Variants in DCLRE1C observed in about 807,000 individuals in gnomAD.
The protein encoded by DCLRE1C is DNA cross-link repair 1C.
DCLRE1C carries 47 observed loss-of-function variants against 61.4 expected under a neutral mutation model. That is an observed-to-expected ratio of 0.77 (90% CI 0.61 to 0.98). The LOEUF (loss-of-function observed/expected upper bound fraction) is 0.98. DCLRE1C is among the 50% of genes least tolerant of loss of function. The pLI is 0.00. For missense variants in DCLRE1C, 858 were observed against 816.0 expected, an observed-to-expected ratio of 1.05 and a Z score of -0.63; for synonymous variants, 337 against 287.6, an observed-to-expected ratio of 1.17 and a Z score of -1.74.
chr10:14,937,756 T>C (rs1439831311), intron 4 of DCLRE1C, among the ~76,000 whole-genome samples: 1 of 151,918 alleles, frequency 6.6e-6, no homozygotes, highest in Non-Finnish European at 1.5e-5. Context: ...CTGCGCATGG[T>C]GGTGGGCAGC....
At chr10:14,926,204 C>T (rs1384719874) in intron 11 of DCLRE1C, among the ~76,000 whole-genome samples, 1 of 152,148 alleles carries the variant, frequency 6.6e-6, no homozygotes. Flanking sequence ...TGAAAGAAGG[C>T]AGAGCATTGC....
In DCLRE1C at chr10:14,936,599, A is replaced by T. The variant is rs1400947745; in HGVS notation, c.307-6T>A. 7 of 1,606,136 alleles carry T rather than the reference A, an allele frequency of 4.4e-6. No individual in the cohort carries two copies. In the Admixed American group the frequency reaches 6.7e-5, roughly 15 times the overall value. The stretch of plus-strand genomic sequence containing the variant: ...GTCACAACAATCTCTTCCTTCTAAA[A>T]AGAAAATAAAGAAAAAATAGTAATG... On this transcript the variant is annotated splice_polypyrimidine_tract_variant and splice_region_variant and intron_variant, in intron 4 of 13. Transcript: ENST00000378278.
At chr10:14,934,830 ACT>A in intron 6 of DCLRE1C, 55 bp from the exon 7 acceptor site, 1 of 1,400,408 alleles carries the variant, frequency 7.1e-7, no homozygotes, top group Non-Finnish European at 1.0e-6. Flanking sequence ...ATTATGTGTA[ACT>A]TTTTTTGTTT....
intron 13 of DCLRE1C, among the ~76,000 whole-genome samples, chr10:14,913,672 A>G (rs756228662): frequency 8.5e-5 from 13 of 152,230 alleles, no homozygotes; most frequent in Admixed American, 3.3e-4. Context: ...AAATTAAAAT[A>G]CAAAAAACAC....
chr10:14,927,559 T>A (rs1589015865), intron 10 of DCLRE1C, among the ~76,000 whole-genome samples: 1 of 73,716 alleles, frequency 1.4e-5, no homozygotes, highest in Non-Finnish European at 2.5e-5. Context: ...AGCACTCAGA[T>A]GGGAGGGAGG....
At chr10:14,919,478 G>A (rs41299718) in intron 13 of DCLRE1C, among the ~76,000 whole-genome samples, 1 of 152,300 alleles carries the variant, frequency 6.6e-6, no homozygotes, top group East Asian at 1.9e-4. Context: ...ATCTTAGGGT[G>A]TATTTCCAGA....
In DCLRE1C at chr10:14,905,994, A is replaced by T. The variant is rs1171488940; in HGVS notation, c.*2414T>A. 3.3e-5 allele frequency among the ~76,000 whole-genome samples: 5 copies of T among 152,158 alleles called. No homozygotes were observed. The highest frequency in any genetic ancestry group is 6.5e-5 in the Admixed American group (1 of 15,274). ...GAGACTCCATCTTGAAAAGTAAAAA[A>T]CAAAAACTTCATGTTTCCTCTTGTG... On this transcript the variant is annotated 3_prime_UTR_variant, in exon 14 of 14. Transcript: ENST00000378278.
In DCLRE1C at chr10:14,908,311, A is replaced by G. The variant is rs544574813; in HGVS notation, c.*97T>C. ...CCACCACACCCAACCAGGTTATTTG[A>G]ACATTTTTAAGTACTGTATTTTCTC... On this transcript the variant is annotated 3_prime_UTR_variant, in exon 14 of 14. Coordinates refer to ENST00000378278, the MANE Select transcript of DCLRE1C (RefSeq NM_001033855.3). 4 of 1,050,796 alleles carry G rather than the reference A, an allele frequency of 3.8e-6. No individual in the cohort carries two copies. The African/African-American group carries it at 4.7e-5, about 12-fold the overall frequency. The allele number at this position is 1,050,796 out of a possible 1,614,324, so 65.1% of individuals were successfully genotyped here.
intron 1 of DCLRE1C, among the ~76,000 whole-genome samples, chr10:14,951,121 G>A (rs1842392980): frequency 6.6e-6 from 1 of 152,042 alleles, no homozygotes; most frequent in Non-Finnish European, 1.5e-5. Context: ...GCTCACACCT[G>A]TCATCCCAGC....
At chr10:14,898,915 C>T in exon 14 of DCLRE1C, 1 of 314,998 alleles carries the variant, frequency 3.2e-6, no homozygotes, top group Non-Finnish European at 5.8e-6. Context: ...CATATACTTG[C>T]AGATTTAGTC....
chr10:14,949,832 G>A (rs1349527452), intron 1 of DCLRE1C, among the ~76,000 whole-genome samples: 3 of 152,024 alleles, frequency 2.0e-5, no homozygotes, highest in South Asian at 2.1e-4. Context: ...ATCACCTGAG[G>A]TCAGAAGTTC....
chr10:14,940,123 C>T (rs1024805729), intron 3 of DCLRE1C, among the ~76,000 whole-genome samples: 5 of 152,080 alleles, frequency 3.3e-5, no homozygotes, highest in African/African-American at 1.2e-4. Context: ...ATTCTGTTTC[C>T]ATGAATTCAT....
upstream of DCLRE1C, chr10:14,954,156 G>A: frequency 7.1e-7 from 1 of 1,401,098 alleles, no homozygotes; most frequent in Non-Finnish European, 9.8e-7. Flanking sequence ...GGAGTCCGGA[G>A]ACCGGGGGCA....
At chr10:14,932,099 C>T (rs923700859) in intron 9 of DCLRE1C, among the ~76,000 whole-genome samples, 14 of 152,026 alleles carry the variant, frequency 9.2e-5, no homozygotes, top group African/African-American at 2.7e-4. Context: ...TGGTGCATGT[C>T]GGTGGTCCCA....
chr10:14,905,949 T>C lies in DCLRE1C; in HGVS notation c.*2459A>G, dbSNP rs1834357005. ...GTGAGCTGAGATAGGGCCACTGCAT[T>C]CCAGCCTGAGTGACAGAGCGAGACT... is the stretch of plus-strand genomic sequence containing the variant. On this transcript the variant is annotated 3_prime_UTR_variant, in exon 14 of 14. Coordinates refer to ENST00000378278, the MANE Select transcript of DCLRE1C (RefSeq NM_001033855.3). Among the ~76,000 whole-genome samples the C allele has an allele frequency of 1.3e-5, 2 of 152,186 alleles. No individual in the cohort carries two copies.
Position 14,926,856 on chromosome 10 carries a change from G to A in DCLRE1C, c.959C>T (p.Ser320Phe). The A allele has an allele frequency of 6.2e-7, 1 of 1,613,100 alleles. No individual in the cohort carries two copies. Among genetic ancestry groups the A allele is most frequent in the East Asian group, 2.2e-5 (1 of 44,868 alleles). Residue 320 changes from serine to phenylalanine, a missense_variant, in exon 11 of 14, where the codon TCC becomes TTC. Around this residue, in one of 2 missense-constraint regions of DCLRE1C, gnomAD observed 843 missense variants for 783.5 expected, o/e 1.08. Transcript: ENST00000378278. ...SSYRACFSFH[S>F]SYSEIKDFLS... ...GGATCCTCTTACCTCACTGTAGGAG[G>A]AGTGAAAAGAAAAACAAGCTCTGTA... is the stretch of plus-strand genomic sequence containing the variant.
intron 9 of DCLRE1C, among the ~76,000 whole-genome samples, chr10:14,932,323 T>C (rs1007798254): frequency 6.6e-6 from 1 of 152,176 alleles, no homozygotes; most frequent in Non-Finnish European, 1.5e-5. Context: ...CAAACGTGTA[T>C]GAATAGATTT....
rs1002980233 is a variant in DCLRE1C, at chr10:14,906,286, A to C, written c.*2122T>G. Among the ~76,000 whole-genome samples, 1 of 152,252 alleles carries C rather than the reference A, an allele frequency of 6.6e-6. No individual in the cohort carries two copies. The highest frequency in any genetic ancestry group is 1.5e-5 in the Non-Finnish European group (1 of 68,040). On this transcript the variant is annotated 3_prime_UTR_variant, in exon 14 of 14. Transcript: ENST00000378278. ...AGTTCATATAGTCTGTAAAAAACTT[A>C]AGAGCATCATCAGAGTAAGCACCAA...
chr10:14,932,869 T>C lies in DCLRE1C; in HGVS notation c.765A>G (p.Ala255=). The change falls in exon 9 of 14, where the codon GCA becomes GCG. Residue 255 remains alanine, a synonymous_variant. Coordinates refer to ENST00000378278, the MANE Select transcript of DCLRE1C (RefSeq NM_001033855.3). The part of the protein sequence containing the change: ...LTTDRNTQIH[A]CRHPKAEEYF... ...GCACACGTACCTTGGGATGCCGGCA[T>C]GCATGGATCTGAGTGTTGCGGTCTG... The C allele has an allele frequency of 1.2e-6, 2 of 1,614,222 alleles. No homozygotes were observed. Among genetic ancestry groups the C allele is most frequent in the African/African-American group, 1.3e-5 (1 of 75,080 alleles).
Sources: allele counts gnomAD v4.1 joint callset (sites outside exome capture counted in the v4.1 genomes callset), GRCh38; gene constraint gnomAD v4.1.1; regional missense constraint gnomAD v4.1.1; transcripts MANE v1.5; gene names NCBI Gene and HGNC (gene_info 2026-07-23, HGNC 2026-07-21).